NRXN3: variants seen among roughly 807,000 people sequenced by gnomAD.
NRXN3 encodes neurexin III.
Under a neutral mutation model 137.6 loss-of-function variants are expected in NRXN3, and 32 were observed. The ratio of observed to expected loss-of-function variants is 0.23; its 90% confidence interval spans 0.18 to 0.31. NRXN3 has a LOEUF of 0.31. Among genes scored for constraint, NRXN3 ranks in the 10% least tolerant of loss-of-function variants. The pLI is 1.00. For missense variants in NRXN3, 1,574 were observed against 2,062.5 expected (o/e 0.76, Z 4.59); for synonymous variants, 798 against 784.5 (o/e 1.02, Z -0.29).
At chr14:78,483,609 A>G (rs917078097) in intron 4 of NRXN3, among the ~76,000 whole-genome samples, 4 of 152,258 alleles carry the variant, frequency 2.6e-5, no homozygotes, top group Non-Finnish European at 4.4e-5. Context: ...AGTCTGATCT[A>G]TGCAGTGGAC....
chr14:79,781,113 C>A (rs911462724), intron 19 of NRXN3, among the ~76,000 whole-genome samples: 2 of 151,972 alleles, frequency 1.3e-5, no homozygotes, highest in Non-Finnish European at 2.9e-5. Flanking sequence ...TAAATTAACC[C>A]CATTATTTTA....
chr14:79,717,810 C>A (rs545503898), intron 19 of NRXN3, among the ~76,000 whole-genome samples: 2 of 152,090 alleles, frequency 1.3e-5, no homozygotes, highest in South Asian at 2.1e-4. Context: ...GACCGTTAAA[C>A]CTTTGCCTAT....
intron 15 of NRXN3, among the ~76,000 whole-genome samples, chr14:79,003,510 G>C (rs1450718651): frequency 1.3e-5 from 2 of 152,162 alleles, no homozygotes; most frequent in African/African-American, 2.4e-5. Context: ...GGCCAGGCCA[G>C]CTTGAGTCTG....
chr14:79,566,477 G>A (rs2097551491), intron 16 of NRXN3, among the ~76,000 whole-genome samples: 1 of 151,988 alleles, frequency 6.6e-6, no homozygotes, highest in Non-Finnish European at 1.5e-5. Context: ...TACTGACAAA[G>A]CCAAATCTTG....
At chr14:78,196,530 G>T (rs2061244945) in intron 1 of NRXN3, among the ~76,000 whole-genome samples, 1 of 152,166 alleles carries the variant, frequency 6.6e-6, no homozygotes, top group African/African-American at 2.4e-5. Context: ...AGGCTAGGTG[G>T]CAACAGAGAG....
chr14:79,116,829 G>A lies in NRXN3; in HGVS notation c.3262+128688G>A, dbSNP rs761746047. On this transcript the variant is annotated intron_variant, in intron 15 of 20. Coordinates refer to ENST00000335750, the MANE Select transcript of NRXN3 (RefSeq NM_001330195.2). ...TAAGACATAGCAAAAGATATAGCAG[G>A]GTCGTTAGATAATGGTTAATAAAAT... 3.3e-5 allele frequency among the ~76,000 whole-genome samples: 5 copies of A among 152,226 alleles called. No individual in the cohort carries two copies. In the East Asian group the frequency reaches 9.7e-4, roughly 29 times the overall value.
chr14:78,423,341 C>T (rs955922679), intron 4 of NRXN3, among the ~76,000 whole-genome samples: 1 of 152,018 alleles, frequency 6.6e-6, no homozygotes, highest in African/African-American at 2.4e-5. Flanking sequence ...TTTTTTTCTC[C>T]TCCTGGAATC....
chr14:79,018,304 A>G (rs1206603926), intron 15 of NRXN3, among the ~76,000 whole-genome samples: 2 of 126,508 alleles, frequency 1.6e-5, no homozygotes, highest in Non-Finnish European at 1.7e-5. Flanking sequence ...AAAGAGAGAG[A>G]GCAAGAAGAG....
intron 15 of NRXN3, among the ~76,000 whole-genome samples, chr14:79,258,151 C>T (rs1016019252): frequency 1.3e-5 from 2 of 152,176 alleles, no homozygotes; most frequent in Non-Finnish European, 2.9e-5. Flanking sequence ...CTTAAAAGTT[C>T]TGCATAAGGG....
chr14:79,592,759 A>AAAG (rs2097819228), intron 16 of NRXN3, among the ~76,000 whole-genome samples: 1 of 152,232 alleles, frequency 6.6e-6, no homozygotes. Flanking sequence ...TATTTAATTT[A>AAAG]AAGTATAAGT....
intron 19 of NRXN3, among the ~76,000 whole-genome samples, chr14:79,764,683 A>G (rs1005870417): frequency 6.6e-6 from 1 of 151,912 alleles, no homozygotes; most frequent in Non-Finnish European, 1.5e-5. Flanking sequence ...TTCCTTATAC[A>G]CTTCCATGTT....
chr14:78,896,044 G>T (rs910248578), intron 10 of NRXN3, among the ~76,000 whole-genome samples: 5 of 151,874 alleles, frequency 3.3e-5, no homozygotes, highest in Non-Finnish European at 2.9e-5. Context: ...GTAGTGACAT[G>T]AATCAGGCAC....
intron 20 of NRXN3, among the ~76,000 whole-genome samples, chr14:79,841,155 C>T (rs2099354974): frequency 6.6e-6 from 1 of 152,160 alleles, no homozygotes; most frequent in African/African-American, 2.4e-5. Flanking sequence ...ATGTCAAGTG[C>T]TGGAGTCTTG....
chr14:78,835,237 A>G (rs958679303), intron 10 of NRXN3, among the ~76,000 whole-genome samples: 1 of 152,200 alleles, frequency 6.6e-6, no homozygotes, highest in Non-Finnish European at 1.5e-5. Flanking sequence ...AAAATAGCTC[A>G]GCTCTGCTGA....
At chr14:78,300,904 C>T (rs561270685) in intron 4 of NRXN3, among the ~76,000 whole-genome samples, 2 of 152,182 alleles carry the variant, frequency 1.3e-5, no homozygotes, top group Non-Finnish European at 2.9e-5. Context: ...TCTGTGTTGG[C>T]CTGCCTCCCT....
chr14:78,498,954 T>C (rs1403693821), intron 4 of NRXN3, among the ~76,000 whole-genome samples: 1 of 152,074 alleles, frequency 6.6e-6, no homozygotes, highest in Non-Finnish European at 1.5e-5. Context: ...TTATTGGTCA[T>C]GTTACCTTGG....
intron 4 of NRXN3, among the ~76,000 whole-genome samples, chr14:78,489,365 G>A (rs1035402743): frequency 4.6e-5 from 7 of 152,180 alleles, no homozygotes; most frequent in African/African-American, 7.2e-5. Context: ...AGTGGTTGAC[G>A]TTGGCCTTAA....
At chr14:78,875,021 G>A (rs965243327) in intron 10 of NRXN3, among the ~76,000 whole-genome samples, 4 of 152,152 alleles carry the variant, frequency 2.6e-5, no homozygotes, top group Admixed American at 6.5e-5. Context: ...ATTCCCAAGC[G>A]AAATGAATAT....
intron 15 of NRXN3, among the ~76,000 whole-genome samples, chr14:79,447,158 G>A (rs929738711): frequency 2.0e-5 from 3 of 152,126 alleles, no homozygotes; most frequent in Non-Finnish European, 4.4e-5. Context: ...CCAAAATATT[G>A]AGGGACCAAT....
Sources: gnomAD v4.1 joint callset for allele counts (sites outside exome capture counted in the v4.1 genomes callset) on GRCh38, gnomAD v4.1.1 for gene constraint, MANE v1.5 for transcripts, NCBI Gene and HGNC (gene_info 2026-07-23, HGNC 2026-07-21) for gene names.